The following KCNIP1 variants were observed in gnomAD, a reference collection of about 807,000 sequenced individuals.
The protein encoded by KCNIP1 is potassium voltage-gated channel interacting protein 1.
Under a neutral mutation model 33.0 loss-of-function variants are expected in KCNIP1, and 18 were observed. The observed-to-expected ratio is 0.55, with a 90% CI of 0.38 to 0.81. The LOEUF is 0.81. Among genes scored for constraint, KCNIP1 ranks in the 30% least tolerant of loss-of-function variants. The pLI is 0.00. For missense variants in KCNIP1, 238 were observed against 271.6 expected (o/e 0.88, Z 0.87); for synonymous variants, 93 against 98.3 (o/e 0.95, Z 0.32).
At chr5:170,588,996 C>CTT (rs67130531) in intron 1 of KCNIP1, among the ~76,000 whole-genome samples, 3,244 of 117,354 alleles carry the variant, frequency 0.028, 154 homozygotes, top group East Asian at 0.073. Context: ...ATACTTACTT[C>CTT]TTTTTTTTTT....
chr5:170,374,124 C>T (rs112735545), intron 1 of KCNIP1, among the ~76,000 whole-genome samples: 3,406 of 152,278 alleles, frequency 0.022, 115 homozygotes, highest in African/African-American at 0.076. Context: ...AATGCCCTGA[C>T]CCAAGGAGTT....
At chr5:170,593,413 G>T (rs1481835166) in intron 1 of KCNIP1, among the ~76,000 whole-genome samples, 6 of 152,200 alleles carry the variant, frequency 3.9e-5, no homozygotes, top group African/African-American at 1.4e-4. Context: ...ACCTAATAGA[G>T]ATATCACGGA....
chr5:170,475,772 C>A (rs1333001194), intron 1 of KCNIP1, among the ~76,000 whole-genome samples: 5 of 152,082 alleles, frequency 3.3e-5, no homozygotes, highest in Non-Finnish European at 7.4e-5. Flanking sequence ...CTTCCCCCTA[C>A]TTCCTTACTA....
intron 1 of KCNIP1, among the ~76,000 whole-genome samples, chr5:170,484,802 G>C (rs1341473563): frequency 6.6e-6 from 1 of 151,316 alleles, no homozygotes; most frequent in Non-Finnish European, 1.5e-5. Flanking sequence ...TCTGCGTTCT[G>C]CTTCTCCCTT....
intron 1 of KCNIP1, among the ~76,000 whole-genome samples, chr5:170,456,239 C>T (rs1260705998): frequency 6.6e-6 from 1 of 152,054 alleles, no homozygotes; most frequent in African/African-American, 2.4e-5. Context: ...TATTCTCACT[C>T]ATAAGTGGGA....
At chr5:170,494,724 G>A (rs368646435) in intron 1 of KCNIP1, among the ~76,000 whole-genome samples, 4 of 152,082 alleles carry the variant, frequency 2.6e-5, no homozygotes, top group Non-Finnish European at 4.4e-5. Flanking sequence ...CAGGCTCCCC[G>A]TCCCCTCACC....
chr5:170,472,379 T>C (rs1756752068), intron 1 of KCNIP1, among the ~76,000 whole-genome samples: 2 of 152,184 alleles, frequency 1.3e-5, no homozygotes, highest in Admixed American at 1.3e-4. Flanking sequence ...GGGTAAGGGA[T>C]GGGGTGAAAT....
At chr5:170,414,942 G>C (rs1386101742) in intron 1 of KCNIP1, among the ~76,000 whole-genome samples, 2 of 152,208 alleles carry the variant, frequency 1.3e-5, no homozygotes, top group African/African-American at 4.8e-5. Context: ...TCCAGGTGTT[G>C]GGAAGGCTTC....
chr5:170,585,877 C>T (rs1446380460), intron 1 of KCNIP1, among the ~76,000 whole-genome samples: 1 of 152,208 alleles, frequency 6.6e-6, no homozygotes, highest in East Asian at 1.9e-4. Context: ...CTCTGCATCC[C>T]CAACCCTGGC....
In KCNIP1 at chr5:170,489,210, C is replaced by T. The variant is rs1757156775; in HGVS notation, c.88+135246C>T. 6.6e-6 allele frequency among the ~76,000 whole-genome samples: 1 copy of T among 152,230 alleles called. No individual in the cohort carries two copies. The highest frequency in any genetic ancestry group is 6.5e-5 in the Admixed American group (1 of 15,290). ...AGGAAGAGGTAGGGGACGATGACTC[C>T]ATCTGTCACCTCGGCACTTACCCCA... On this transcript the variant is annotated intron_variant, in intron 1 of 7. Coordinates refer to the KCNIP1 transcript ENST00000377360. This position sits in a 1 kb window ranked among gnomAD's most constrained non-coding sequence, Gnocchi z 4.3.
intron 1 of KCNIP1, among the ~76,000 whole-genome samples, chr5:170,597,784 A>AATATATAT (rs10525595): frequency 1.2e-3 from 161 of 134,324 alleles, no homozygotes; most frequent in African/African-American, 2.5e-3. Context: ...GAGAGAGATA[A>AATATATAT]ATATATATAT....
intron 1 of KCNIP1, among the ~76,000 whole-genome samples, chr5:170,676,524 T>C (rs1762151241): frequency 2.0e-5 from 3 of 152,198 alleles, no homozygotes; most frequent in Admixed American, 2.0e-4. Context: ...AAAAGAAAAC[T>C]TCAAGTGCAA....
chr5:170,417,004 A>T (rs1755348652), intron 1 of KCNIP1, among the ~76,000 whole-genome samples: 2 of 152,240 alleles, frequency 1.3e-5, no homozygotes, highest in Admixed American at 1.3e-4. Flanking sequence ...CAGCAATTCT[A>T]CCACTAGGAA....
At chr5:170,610,177 G>C (rs1308960537) in intron 1 of KCNIP1, among the ~76,000 whole-genome samples, 4 of 152,176 alleles carry the variant, frequency 2.6e-5, no homozygotes, top group Non-Finnish European at 5.9e-5. Context: ...TCAGGCCCAG[G>C]CATCTGGTTT....
At chr5:170,441,523 A>G (rs978273202) in intron 1 of KCNIP1, among the ~76,000 whole-genome samples, 1 of 152,056 alleles carries the variant, frequency 6.6e-6, no homozygotes, top group African/African-American at 2.4e-5. Flanking sequence ...TGGTGTTTCT[A>G]TCTCAGCCAG....
intron 1 of KCNIP1, among the ~76,000 whole-genome samples, chr5:170,578,163 C>T (rs575502005): frequency 6.8e-4 from 104 of 152,056 alleles, no homozygotes; most frequent in Non-Finnish European, 1.3e-3. Context: ...CTCACCTTCA[C>T]GGAGACAACA....
chr5:170,552,215 A>G (rs773944569), intron 1 of KCNIP1, among the ~76,000 whole-genome samples: 2 of 152,202 alleles, frequency 1.3e-5, no homozygotes, highest in Non-Finnish European at 2.9e-5. Context: ...GGCGTCTGAA[A>G]TAAATGAACT....
chr5:170,712,821 G>T, intron 1 of KCNIP1: 1 of 1,610,798 alleles, frequency 6.2e-7, no homozygotes, highest in Non-Finnish European at 8.5e-7. Context: ...TCGATGAATC[G>T]ATTTGGTAAA....
At chr5:170,518,405 G>A (rs1471203142) in intron 1 of KCNIP1, among the ~76,000 whole-genome samples, 2 of 152,158 alleles carry the variant, frequency 1.3e-5, no homozygotes, top group African/African-American at 4.8e-5. Context: ...TTCCTGGTTG[G>A]TACTTTCAGA....
Sources: gnomAD v4.1 joint callset for allele counts (sites outside exome capture counted in the v4.1 genomes callset) on GRCh38, gnomAD v4.1.1 for gene constraint, Gnocchi (gnomAD v3.1) non-coding constraint, MANE v1.5 for transcripts, NCBI Gene and HGNC (gene_info 2026-07-23, HGNC 2026-07-21) for gene names.